The following MRPL38 variants were observed in gnomAD, a reference collection of about 807,000 sequenced individuals.
MRPL38 encodes the protein mitochondrial ribosomal protein L38.
In MRPL38, 51 loss-of-function variants were observed where a neutral mutation model predicts 52.1. The observed-to-expected ratio is 0.98, with a 90% confidence interval of 0.78 to 1.24. The LOEUF is 1.24. MRPL38 is among the 50% of genes most tolerant of loss of function. MRPL38 has a pLI of 0.00. For synonymous variants in MRPL38, 245 were observed against 212.7 expected (o/e 1.15, Z -1.32); for missense variants, 527 against 518.6 (o/e 1.02, Z -0.16).
intron 7 of MRPL38, 56 bp from the exon 8 acceptor site, chr17:75,899,350 C>T: frequency 3.2e-6 from 5 of 1,583,012 alleles, no homozygotes; most frequent in Non-Finnish European, 2.6e-6. Flanking sequence ...GAGCCCCTCA[C>T]CCCGCCACCC....
chr17:75,904,393 G>A (rs1265194382), intron 2 of MRPL38, 147 bp downstream of exon 2: 2 of 864,286 alleles, frequency 2.3e-6, no homozygotes, highest in Non-Finnish European at 3.8e-6. Context: ...GCTGCCGATA[G>A]CGCACACAGG....
At position 75,900,972 on chromosome 17, in the gene MRPL38, C is replaced by G. The variant is rs747398712; in HGVS notation, c.710+10G>C. 6 of 1,611,632 alleles carry G rather than the reference C, an allele frequency of 3.7e-6. No homozygotes were observed. On this transcript the variant is annotated intron_variant, in intron 6 of 8. Coordinates refer to ENST00000309352, the MANE Select transcript of MRPL38 (RefSeq NM_032478.4). ...GCAGCACCCCCTACCCCCAGTACTC[C>G]AGTACTCACAGCAGCCAGTGGAGGT...
In MRPL38 at chr17:75,898,910, C is replaced by T; in HGVS notation, c.1083G>A (p.Gln361=). The change falls in exon 9 of 9, where the codon CAG becomes CAA. Residue 361 remains glutamine, a synonymous_variant. Transcript: ENST00000309352. ...HPKQKRFPHR[Q]PLRYLDRYRD... is the part of the protein sequence containing the mutation. ...TGTACCGGTCCAGGTAGCGCAGGGG[C>T]TGCCGGTGGGGGAAGCGCTTCTGCT... The T allele has an allele frequency of 6.2e-7, 1 of 1,611,326 alleles. No individual in the cohort carries two copies. Among genetic ancestry groups the T allele is most frequent in the Non-Finnish European group, 8.5e-7 (1 of 1,179,266 alleles).
At chr17:75,904,397 A>G in intron 2 of MRPL38, 143 bp downstream of exon 2, 1 of 887,022 alleles carries the variant, frequency 1.1e-6, no homozygotes, top group Admixed American at 2.0e-5. Context: ...CCGATAGCGC[A>G]CACAGGTCTG....
Position 75,901,094 on chromosome 17 carries a change from A to C in MRPL38, c.665-67T>G. The C allele has an allele frequency of 3.8e-6, 6 of 1,594,236 alleles. No individual in the cohort carries two copies. The South Asian group carries it at 6.8e-5, about 18-fold the overall frequency. On this transcript the variant is annotated intron_variant, in intron 5 of 8. Transcript: ENST00000309352. The surrounding 1 kb of genome is among the most constrained non-coding windows in gnomAD (Gnocchi z 5.7). ...CGGCCCTGCCACCCCCTCCCTTGTT[A>C]GGAGCCAGCGCTGGAGATCTCCACC...
chr17:75,899,165 C>A lies in MRPL38; in HGVS notation c.999G>T (p.Gln333His). Residue 333 changes from glutamine to histidine, a missense_variant, in exon 8 of 9, where the codon CAG becomes CAT. Physicochemically the swap from Gln to His is conservative, Grantham distance 24. Coordinates refer to ENST00000309352, the MANE Select transcript of MRPL38 (RefSeq NM_032478.4). ...CAGCCCCATGGCCCTTACCCAGAAG[C>A]TGGTGGAAGATGTAGGTGACGGAGT... ...WDDSVTYIFH[Q>H]LLDMREPVFE... is the part of the protein sequence containing the mutation. 1.2e-6 allele frequency: 2 copies of A among 1,602,782 alleles called. No homozygotes were observed. Among genetic ancestry groups the A allele is most frequent in the African/African-American group, 2.7e-5 (2 of 74,888 alleles).
In MRPL38 at chr17:75,902,106, C is replaced by A. The variant is rs370578614; in HGVS notation, c.296G>T (p.Arg99Leu). Residue 99 changes from arginine to leucine, a missense_variant, in exon 3 of 9, where the codon CGG (arginine) becomes CTG (leucine). Coordinates refer to ENST00000309352, the MANE Select transcript of MRPL38 (RefSeq NM_032478.4). ...DIGLPPPKVSRTQQLLERKQA... is the reference protein window; with the variant it reads ...DIGLPPPKVSLTQQLLERKQA... The stretch of plus-strand genomic sequence containing the variant: ...TTTCCGTTCCAGTAGCTGTTGGGTC[C>A]GGGAGACTTTGGGTGGAGGCAGCCC... 6.3e-7 allele frequency: 1 copy of A among 1,597,372 alleles called. No individual in the cohort carries two copies. The highest frequency in any genetic ancestry group is 8.5e-7 in the Non-Finnish European group (1 of 1,172,342).
At position 75,901,919 on chromosome 17, in the gene MRPL38, G is replaced by A. The variant is rs758588887; in HGVS notation, c.384C>T (p.Ala128=). Residue 128 remains alanine, a splice_region_variant and synonymous_variant, in exon 4 of 9, where the codon GCC becomes GCT. Coordinates refer to ENST00000309352, the MANE Select transcript of MRPL38 (RefSeq NM_032478.4). This position sits in a 1 kb window ranked among gnomAD's most constrained non-coding sequence, Gnocchi z 5.7. ...EEERAARLRT[A]SVPLDAVRAE... The stretch of plus-strand genomic sequence containing the variant: ...CCCGCACGGCATCCAGCGGGACACT[G>A]GCTAGACAGGAATAAGGCCAGTTGG... 8 of 1,611,326 alleles carry A rather than the reference G, an allele frequency of 5.0e-6. No homozygotes were observed. Among genetic ancestry groups the A allele is most frequent in the Non-Finnish European group, 6.8e-6 (8 of 1,179,024 alleles).
chr17:75,899,591 A>G lies in MRPL38; in HGVS notation c.794T>C (p.Ile265Thr). Residue 265 changes from isoleucine to threonine, a missense_variant, in exon 7 of 9, where the codon ATC becomes ACC. Ile to Thr is a moderately conservative substitution (Grantham distance 89). Coordinates refer to ENST00000309352, the MANE Select transcript of MRPL38 (RefSeq NM_032478.4). ...LPPFPARGSG[I>T]HRLAFLLFKQ... ...GAAGAGCAGGAAGGCAAGACGGTGG[A>G]TGCCGGAGCCTCGGGCAGGGAAGGG... is the stretch of plus-strand genomic sequence containing the variant. 1.2e-6 allele frequency: 2 copies of G among 1,608,698 alleles called. No individual in the cohort carries two copies. Among genetic ancestry groups the G allele is most frequent in the Non-Finnish European group, 1.7e-6 (2 of 1,176,850 alleles).
chr17:75,899,564 T>A lies in MRPL38; in HGVS notation c.821A>T (p.Lys274Met), dbSNP rs1421284697. 1.7e-5 allele frequency: 27 copies of A among 1,606,134 alleles called. No homozygotes were observed. Among genetic ancestry groups the A allele is most frequent in the Non-Finnish European group, 2.3e-5 (27 of 1,175,504 alleles). ...AGAGAAGTCAATCGGCTGGTCCTGC[T>A]TGAAGAGCAGGAAGGCAAGACGGTG... ...GIHRLAFLLF[K>M]QDQPIDFSED... The change falls in exon 7 of 9, where the codon AAG becomes ATG. Residue 274 changes from lysine to methionine, a missense_variant. By Grantham distance (95) the Lys-to-Met change is moderately conservative (BLOSUM62 -1). Coordinates refer to ENST00000309352, the MANE Select transcript of MRPL38 (RefSeq NM_032478.4).
intron 7 of MRPL38, 57 bp downstream of exon 7, chr17:75,899,459 T>G (rs2065393750): frequency 1.3e-6 from 2 of 1,535,502 alleles, no homozygotes; most frequent in Middle Eastern, 1.7e-4. Context: ...TGAGCAAGAG[T>G]GACCGTTCCA....
intron 6 of MRPL38, 150 bp from the exon 7 acceptor site, chr17:75,899,824 C>G: frequency 3.5e-6 from 2 of 572,548 alleles, no homozygotes; most frequent in Non-Finnish European, 5.4e-6. Flanking sequence ...CAGCCAAGCT[C>G]TGTGAACGCC....
At position 75,899,517 on chromosome 17, in the gene MRPL38, A is replaced by C; in HGVS notation, c.868T>G (p.Cys290Gly). 6.3e-7 allele frequency: 1 copy of C among 1,574,974 alleles called. No homozygotes were observed. Among genetic ancestry groups the C allele is most frequent in the Non-Finnish European group, 8.7e-7 (1 of 1,155,952 alleles). Residue 290 changes from cysteine to glycine, a missense_variant and splice_region_variant, in exon 7 of 9, where the codon TGC becomes GGC. Physicochemically the swap from Cys to Gly is radical, Grantham distance 159. Transcript: ENST00000309352. ...DFSEDARPSP[C>G]YQLAQRTFRT... ...TTATGTGTGGGTGGTGTAGATTACC[A>C]GGGTGAGGGGCGTGCGTCCTCAGAG...
At chr17:75,904,420 C>A in intron 2 of MRPL38, 120 bp downstream of exon 2, 1 of 1,108,162 alleles carries the variant, frequency 9.0e-7, no homozygotes, top group Non-Finnish European at 1.3e-6. Flanking sequence ...GGCAGGCCCT[C>A]CCAGCGTCCC....
intron 2 of MRPL38, among the ~76,000 whole-genome samples, chr17:75,902,467 A>G (rs2065409454): frequency 6.6e-6 from 1 of 152,082 alleles, no homozygotes; most frequent in Non-Finnish European, 1.5e-5. Context: ...GCTGGTCTCA[A>G]AACTCCTGGT....
chr17:75,899,535 C>T lies in MRPL38; in HGVS notation c.850G>A (p.Asp284Asn), dbSNP rs1258641272. 6.3e-7 allele frequency: 1 copy of T among 1,595,270 alleles called. No individual in the cohort carries two copies. The highest frequency in any genetic ancestry group is 1.1e-5 in the South Asian group (1 of 89,330). ...GATTACCAGGGTGAGGGGCGTGCGT[C>T]CTCAGAGAAGTCAATCGGCTGGTCC... ...KQDQPIDFSE[D>N]ARPSPCYQLA... Residue 284 changes from aspartate (D) to asparagine (N), a missense_variant, in exon 7 of 9, where the codon GAC (aspartate) becomes AAC (asparagine). Physicochemically the swap from Asp to Asn is conservative, Grantham distance 23. Transcript: ENST00000309352.
intron 8 of MRPL38, 83 bp from the exon 9 acceptor site, chr17:75,899,069 A>G: frequency 1.3e-6 from 2 of 1,534,146 alleles, no homozygotes; most frequent in Non-Finnish European, 8.8e-7. Flanking sequence ...GACCTGCCGC[A>G]GCCTTCCCCT....
chr17:75,900,273 C>T, intron 6 of MRPL38: 1 of 152,444 alleles, frequency 6.6e-6, no homozygotes. Flanking sequence ...CCAGTCTGGG[C>T]CCAGGGAAGG....
In MRPL38 at chr17:75,904,636, A is replaced by G. The variant is rs759288050; in HGVS notation, c.151T>C (p.Tyr51His). 19 of 1,595,148 alleles carry G rather than the reference A, an allele frequency of 1.2e-5. No individual in the cohort carries two copies. The Admixed American group carries it at 2.7e-4, about 23-fold the overall frequency. ...CGCCGGTAGCGGTCGAAGCTCCGGT[A>G]CTTCTCCAGCCGCTCCAGGTTGCTC... ...DLSNLERLEKYRSFDRYRRRA... is the reference protein window; with the variant it reads ...DLSNLERLEKHRSFDRYRRRA... The change falls in exon 2 of 9, where the codon TAC becomes CAC. Residue 51 changes from tyrosine to histidine, a missense_variant. By Grantham distance (83) the Tyr-to-His change is moderately conservative (BLOSUM62 2). Transcript: ENST00000309352.
Sources: gnomAD v4.1 joint callset for allele counts (sites outside exome capture counted in the v4.1 genomes callset) on GRCh38, gnomAD v4.1.1 for gene constraint, Gnocchi (gnomAD v3.1) non-coding constraint, MANE v1.5 for transcripts, NCBI Gene and HGNC (gene_info 2026-07-23, HGNC 2026-07-21) for gene names.